The following CCDC34 variants were observed in gnomAD, a reference collection of about 807,000 sequenced individuals.
The protein encoded by CCDC34 is coiled-coil domain-containing protein 34.
Under a neutral mutation model 44.1 loss-of-function variants are expected in CCDC34, and 40 were observed. That is an observed-to-expected ratio of 0.91 (90% confidence interval 0.70 to 1.18). CCDC34 has a LOEUF of 1.18. Ranked by LOEUF, CCDC34 falls within the 50% of genes most tolerant of loss-of-function variation. The pLI, the probability that CCDC34 is intolerant of heterozygous loss-of-function variation, is 0.00. For missense variants in CCDC34, 466 were observed against 452.3 expected, an observed-to-expected ratio of 1.03 and a Z score of -0.28; for synonymous variants, 159 against 158.2, an observed-to-expected ratio of 1.01 and a Z score of -0.04.
intron 3 of CCDC34, among the ~76,000 whole-genome samples, chr11:27,344,428 A>T (rs1862405441): frequency 6.6e-6 from 1 of 152,064 alleles, no homozygotes; most frequent in South Asian, 2.1e-4. Flanking sequence ...TATTATAAAC[A>T]TGTGTGTTAC....
intron 5 of CCDC34, 53 bp from the exon 6 acceptor site, chr11:27,339,088 A>G: frequency 7.5e-7 from 1 of 1,328,330 alleles, no homozygotes; most frequent in Admixed American, 2.2e-5. Flanking sequence ...CTTGACATCA[A>G]AGAAGCCACT....
intron 1 of CCDC34, among the ~76,000 whole-genome samples, chr11:27,362,411 C>T (rs1319560402): frequency 6.6e-6 from 1 of 152,204 alleles, no homozygotes; most frequent in African/African-American, 2.4e-5. Flanking sequence ...ACCTACTTCA[C>T]TAGCAATCAG....
At chr11:27,349,680 T>A in intron 3 of CCDC34, 1 of 982,636 alleles carries the variant, frequency 1.0e-6, no homozygotes. Flanking sequence ...ATATTAAAAT[T>A]AAAAGGAAAA....
At chr11:27,343,161 G>A (rs1426018289) in intron 3 of CCDC34, among the ~76,000 whole-genome samples, 1 of 152,124 alleles carries the variant, frequency 6.6e-6, no homozygotes, top group African/African-American at 2.4e-5. Flanking sequence ...AGCACTTTGC[G>A]GGGCCAAGGC....
intron 3 of CCDC34, among the ~76,000 whole-genome samples, chr11:27,342,291 C>CTATATA (rs34284661): frequency 7.2e-6 from 1 of 139,236 alleles, no homozygotes; most frequent in African/African-American, 2.6e-5. Context: ...AAAACAGGGG[C>CTATATA]TATATATATA....
intron 5 of CCDC34, among the ~76,000 whole-genome samples, chr11:27,339,959 C>T (rs1862329488): frequency 6.6e-6 from 1 of 151,088 alleles, no homozygotes. Flanking sequence ...GCGGGACATG[C>T]TCAGTAGCTA....
intron 2 of CCDC34, among the ~76,000 whole-genome samples, 175 bp from the exon 3 acceptor site, chr11:27,350,614 T>C (rs1434282385): frequency 6.6e-6 from 1 of 152,236 alleles, no homozygotes; most frequent in African/African-American, 2.4e-5. Context: ...AAAAAAAGCA[T>C]TGGTAAAAGT....
At chr11:27,351,517 C>T (rs1565060411) in intron 2 of CCDC34, among the ~76,000 whole-genome samples, 1 of 152,138 alleles carries the variant, frequency 6.6e-6, no homozygotes, top group African/African-American at 2.4e-5. Flanking sequence ...CACTATACCC[C>T]CAAAAGCAAA....
Position 27,356,061 on chromosome 11 carries a change from CAG to C in CCDC34, c.498+1340_498+1341del, listed in dbSNP as rs1386071499. ...TAGACAGAGTTTTGCTCTTGTTGGC[CAG>C]GCTGGAGTACAATGGTGTGATCTCA... is the stretch of plus-strand genomic sequence containing the variant. On this transcript the variant is annotated intron_variant, in intron 2 of 5. Coordinates refer to ENST00000328697, the MANE Select transcript of CCDC34 (RefSeq NM_030771.2). 1.3e-4 allele frequency among the ~76,000 whole-genome samples: 16 copies of C among 123,020 alleles called. No individual in the cohort carries two copies. In the South Asian group the frequency reaches 4.4e-3, roughly 34 times the overall value. 80.7% of individuals were successfully genotyped at this position (123,020 alleles called of 152,430 possible). A position where few individuals can be genotyped will look rare whatever the true frequency, so the allele number is the denominator to read the frequency against.
intron 3 of CCDC34, among the ~76,000 whole-genome samples, chr11:27,342,669 A>G (rs1250139006): frequency 3.3e-5 from 5 of 152,196 alleles, no homozygotes; most frequent in Non-Finnish European, 5.9e-5. Context: ...TTTATTGTTT[A>G]TAGTTGCTTT....
intron 3 of CCDC34, among the ~76,000 whole-genome samples, chr11:27,344,379 AAC>A (rs1267761038): frequency 6.6e-6 from 1 of 152,102 alleles, no homozygotes; most frequent in Non-Finnish European, 1.5e-5. Context: ...GCATGTTATA[AAC>A]ACATGCATGC....
intron 3 of CCDC34, among the ~76,000 whole-genome samples, chr11:27,344,789 T>C (rs1248757258): frequency 6.6e-6 from 1 of 152,074 alleles, no homozygotes; most frequent in Non-Finnish European, 1.5e-5. Flanking sequence ...TTTAGCAGAA[T>C]CCCAATAGTG....
At chr11:27,349,542 A>G (rs1862476693) in intron 3 of CCDC34, 1 of 951,284 alleles carries the variant, frequency 1.1e-6, no homozygotes, top group South Asian at 4.9e-5. Context: ...ATTTTTCCAC[A>G]TTTGTAAAAC....
In CCDC34 at chr11:27,341,391, C is replaced by A; in HGVS notation, c.765+1G>T. On this transcript the variant is annotated splice_donor_variant, in intron 4 of 5. Coordinates refer to ENST00000328697, the MANE Select transcript of CCDC34 (RefSeq NM_030771.2). LOFTEE classifies it high-confidence loss of function. ...CTAACTGGTCACTTTAATAAAAATA[C>A]CTTTTCTTTCTTCTTCCTCTCACAT... The A allele has an allele frequency of 7.0e-7, 1 of 1,421,930 alleles. No individual in the cohort carries two copies. Among genetic ancestry groups the A allele is most frequent in the African/African-American group, 1.4e-5 (1 of 69,202 alleles). 88.1% of individuals were successfully genotyped at this position (1,421,930 alleles called of 1,614,324 possible). A position where few individuals can be genotyped will look rare whatever the true frequency, so the allele number is the denominator to read the frequency against.
chr11:27,355,103 T>G (rs1398745162), intron 2 of CCDC34, among the ~76,000 whole-genome samples: 1 of 152,180 alleles, frequency 6.6e-6, no homozygotes, highest in East Asian at 1.9e-4. Context: ...TGACTGGAAG[T>G]GACCCTCCTT....
At chr11:27,358,389 AG>A (rs1171556227) in intron 1 of CCDC34, among the ~76,000 whole-genome samples, 1 of 152,230 alleles carries the variant, frequency 6.6e-6, no homozygotes, top group African/African-American at 2.4e-5. Flanking sequence ...TCAGGACATA[AG>A]GTAGCTCTAA....
At chr11:27,348,751 A>T in intron 3 of CCDC34, 1 of 703,752 alleles carries the variant, frequency 1.4e-6, no homozygotes, top group Non-Finnish European at 1.7e-6. Flanking sequence ...AGTCTTTACA[A>T]ATAGAGGTAA....
chr11:27,362,212 G>A (rs999444041), intron 1 of CCDC34, among the ~76,000 whole-genome samples: 4 of 152,182 alleles, frequency 2.6e-5, no homozygotes, highest in Admixed American at 6.5e-5. Context: ...TTTGCTGAGT[G>A]AGTAACAGTA....
rs1407119909 is a variant in CCDC34 at position 27,359,335 on chromosome 11, T to C, written c.360-1794A>G. Among the ~76,000 whole-genome samples the C allele has an allele frequency of 2.6e-5, 4 of 152,234 alleles. No homozygotes were observed. The East Asian group carries it at 7.7e-4, about 29-fold the overall frequency. ...CTAGGAACCCCTGCAGGTTGATGAA[T>C]GTGCCACGCCCCATGCCCTGTAACT... On this transcript the variant is annotated intron_variant, in intron 1 of 5. Transcript: ENST00000328697.
Sources: gnomAD v4.1 joint callset for allele counts (sites outside exome capture counted in the v4.1 genomes callset) on GRCh38, gnomAD v4.1.1 for gene constraint, MANE v1.5 for transcripts, NCBI Gene and HGNC (gene_info 2026-07-23, HGNC 2026-07-21) for gene names.